The following ABL1 variants were observed in gnomAD, a reference collection of about 807,000 sequenced individuals.
ABL1 encodes ABL proto-oncogene 1, non-receptor tyrosine kinase, also known as tyrosine-protein kinase ABL1.
In ABL1, 11 loss-of-function variants were observed where a neutral mutation model predicts 94.7. That is an observed-to-expected ratio of 0.12 (90% CI 0.07 to 0.19). ABL1 has a LOEUF of 0.19. Among genes scored for constraint, ABL1 ranks in the 10% least tolerant of loss-of-function variants. The pLI, the probability that ABL1 is intolerant of heterozygous loss-of-function variation, is 1.00. For missense variants in ABL1, 1,082 were observed against 1,489.4 expected (o/e 0.73, Z 4.50); for synonymous variants, 656 against 622.4 (o/e 1.05, Z -0.80).
intron 1 of ABL1, among the ~76,000 whole-genome samples, chr9:130,810,751 G>T (rs34982391): frequency 0.088 from 11,951 of 135,694 alleles, 505 homozygotes; most frequent in South Asian, 0.11. Context: ...AATATATATA[G>T]AGAGAGAAAA....
intron 1 of ABL1, among the ~76,000 whole-genome samples, chr9:130,732,780 T>G (rs1321128988): frequency 6.6e-6 from 1 of 151,138 alleles, no homozygotes; most frequent in Non-Finnish European, 1.5e-5. Flanking sequence ...GCACAGTGTT[T>G]TTTTTTTTTT....
intron 1 of ABL1, among the ~76,000 whole-genome samples, chr9:130,751,408 G>T (rs1466265152): frequency 1.3e-5 from 2 of 152,022 alleles, no homozygotes; most frequent in African/African-American, 4.8e-5. Flanking sequence ...CTCCCAAAGT[G>T]CTGGGATTAC....
intron 1 of ABL1, among the ~76,000 whole-genome samples, chr9:130,819,606 T>C (rs1314639592): frequency 6.9e-6 from 1 of 144,028 alleles, no homozygotes; most frequent in Admixed American, 7.2e-5. Flanking sequence ...TGGCACGATC[T>C]GAGCTCACTG....
At chr9:130,800,108 G>A (rs952572163) in intron 1 of ABL1, among the ~76,000 whole-genome samples, 1 of 152,010 alleles carries the variant, frequency 6.6e-6, no homozygotes, top group Admixed American at 6.6e-5. Context: ...TCCTGACCTC[G>A]TGATCCACAC....
At chr9:130,787,318 C>T (rs1038158279) in intron 1 of ABL1, among the ~76,000 whole-genome samples, 12 of 152,068 alleles carry the variant, frequency 7.9e-5, no homozygotes, top group African/African-American at 2.7e-4. Context: ...GTGCTTTCAC[C>T]CTCCATGCCA....
chr9:130,761,395 C>T (rs1832113042), intron 1 of ABL1, among the ~76,000 whole-genome samples: 2 of 152,188 alleles, frequency 1.3e-5, no homozygotes, highest in Non-Finnish European at 2.9e-5. Context: ...GTAAACCTTC[C>T]AGTCCCTCCC....
At chr9:130,788,469 A>ATAAT (rs1829861564) in intron 1 of ABL1, among the ~76,000 whole-genome samples, 1 of 152,236 alleles carries the variant, frequency 6.6e-6, no homozygotes, top group South Asian at 2.1e-4. Context: ...TAACTATAGT[A>ATAAT]TAATTATTAA....
Position 130,835,659 on chromosome 9 carries a change from CT to C in ABL1, c.79+135del. ...GTCTTGTCTTTTTTTTCTTTCTTCC[CT>C]CTTCTCTTCTCTTCTCTTCAGTTCT... On this transcript the variant is annotated intron_variant, in intron 1 of 10. Transcript: ENST00000318560. This position sits in a 1 kb window ranked among gnomAD's most constrained non-coding sequence, Gnocchi z 4.6. The C allele has an allele frequency of 8.4e-5, 1 of 11,860 alleles. No individual in the cohort carries two copies. Among genetic ancestry groups the C allele is most frequent in the Non-Finnish European group, 1.7e-4 (1 of 6,044 alleles). The allele number at this position is 11,860 out of a possible 1,614,324, so 0.7% of individuals were successfully genotyped here. A position where few individuals can be genotyped will look rare whatever the true frequency, so the allele number is the denominator to read the frequency against.
rs558333673 is a variant in ABL1 at position 130,835,714 on chromosome 9, C to T, written c.79+189C>T. 6.6e-6 allele frequency among the ~76,000 whole-genome samples: 1 copy of T among 151,952 alleles called. No homozygotes were observed. The highest frequency in any genetic ancestry group is 2.1e-4 in the South Asian group (1 of 4,790). On this transcript the variant is annotated intron_variant, in intron 1 of 10. Transcript: ENST00000318560. The surrounding 1 kb of genome is among the most constrained non-coding windows in gnomAD (Gnocchi z 4.6). ...ATATTCTGTCTCTCTTTCTTTCTCTCTGTGTCTGTCTCTTTTCTCTTCTCT... is the reference window on the plus strand; with the variant it reads ...ATATTCTGTCTCTCTTTCTTTCTCTTTGTGTCTGTCTCTTTTCTCTTCTCT...
At chr9:130,751,862 T>C (rs1225101466) in intron 1 of ABL1, among the ~76,000 whole-genome samples, 1 of 152,204 alleles carries the variant, frequency 6.6e-6, no homozygotes, top group Non-Finnish European at 1.5e-5. Context: ...TCTCATGTAA[T>C]TGTATCCAAC....
At chr9:130,790,413 C>T (rs1829890905) in intron 1 of ABL1, among the ~76,000 whole-genome samples, 2 of 152,206 alleles carry the variant, frequency 1.3e-5, no homozygotes, top group Admixed American at 1.3e-4. Flanking sequence ...TTGTAGGTGG[C>T]AACTCTGGCC....
In ABL1 at chr9:130,880,281, A is replaced by G. The variant is rs1177509097; in HGVS notation, c.1513+124A>G. The G allele has an allele frequency of 2.6e-5, 31 of 1,179,090 alleles. No individual in the cohort carries two copies. The highest frequency in any genetic ancestry group is 1.4e-4 in the East Asian group (6 of 42,576). The allele number at this position is 1,179,090 out of a possible 1,614,324, so 73.0% of individuals were successfully genotyped here. A position where few individuals can be genotyped will look rare whatever the true frequency, so the allele number is the denominator to read the frequency against. On this transcript the variant is annotated intron_variant, in intron 9 of 10. Coordinates refer to ENST00000318560, the MANE Select transcript of ABL1 (RefSeq NM_005157.6). This position sits in a 1 kb window ranked among gnomAD's most constrained non-coding sequence, Gnocchi z 4.4. ...AGACCAGCCTGTCCTGAGACCAGAA[A>G]GCTGGGCAGAGGTGTGGAGTATTGT... is the stretch of plus-strand genomic sequence containing the variant.
At chr9:130,740,360 C>A (rs749189157) in intron 1 of ABL1, among the ~76,000 whole-genome samples, 2 of 152,208 alleles carry the variant, frequency 1.3e-5, no homozygotes, top group Non-Finnish European at 2.9e-5. Context: ...CCTGGAGAGC[C>A]GCTGGGCGGC....
chr9:130,851,625 A>T (rs1023185726), intron 1 of ABL1, among the ~76,000 whole-genome samples: 1 of 151,968 alleles, frequency 6.6e-6, no homozygotes, highest in African/African-American at 2.4e-5. Flanking sequence ...CTGAGATGGT[A>T]TTATTACCCA....
intron 10 of ABL1, among the ~76,000 whole-genome samples, chr9:130,882,709 A>AT (rs1170518492): frequency 3.3e-5 from 5 of 151,818 alleles, no homozygotes; most frequent in Admixed American, 2.6e-4. Context: ...TAATTTTTGC[A>AT]TTTTTTAGTA....
intron 1 of ABL1, among the ~76,000 whole-genome samples, chr9:130,852,119 A>G (rs1220035309): frequency 1.3e-5 from 2 of 152,040 alleles, no homozygotes; most frequent in Admixed American, 1.3e-4. Context: ...CATCATAATG[A>G]CATGATTTGG....
intron 1 of ABL1, among the ~76,000 whole-genome samples, chr9:130,811,286 G>A (rs920437091): frequency 5.9e-5 from 9 of 152,014 alleles, no homozygotes; most frequent in African/African-American, 1.9e-4. Context: ...GAGACCCTCT[G>A]TCTAAATAAA....
At chr9:130,848,027 A>G (rs2067697047) in intron 1 of ABL1, among the ~76,000 whole-genome samples, 1 of 152,172 alleles carries the variant, frequency 6.6e-6, no homozygotes, top group Admixed American at 6.5e-5. Context: ...GCATTTGAGA[A>G]GAAAAGCATT....
intron 1 of ABL1, among the ~76,000 whole-genome samples, chr9:130,801,564 T>C (rs57946888): frequency 0.1 from 15,289 of 152,310 alleles, 1,163 homozygotes; most frequent in African/African-American, 0.21. Flanking sequence ...CATCTGAAGA[T>C]GTCTTCCCTT....
Sources: gnomAD v4.1 joint callset for allele counts (sites outside exome capture counted in the v4.1 genomes callset) on GRCh38, gnomAD v4.1.1 for gene constraint, Gnocchi (gnomAD v3.1) non-coding constraint, MANE v1.5 for transcripts, NCBI Gene and HGNC (gene_info 2026-07-23, HGNC 2026-07-21) for gene names.